The following SCAF8 variants were observed in gnomAD, a reference collection of about 807,000 sequenced individuals.
SCAF8 encodes the protein SR-related and CTD-associated factor 8.
A neutral mutation model predicts 140.5 loss-of-function variants in SCAF8; 23 were observed. That is an observed-to-expected ratio of 0.16 (90% confidence interval 0.12 to 0.23). The LOEUF (loss-of-function observed/expected upper bound fraction) is 0.23, where lower values mean the gene tolerates loss of function less well. Among genes scored for constraint, SCAF8 ranks in the 10% least tolerant of loss-of-function variants. The probability of loss-of-function intolerance (pLI) is 1.00; values close to 1 mark genes in which losing one functional copy is unlikely to be tolerated. For synonymous variants in SCAF8, 575 were observed against 528.9 expected (o/e 1.09, Z -1.20); for missense variants, 1,397 against 1,555.7 (o/e 0.90, Z 1.72).
Position 154,831,982 on chromosome 6 carries a change from A to G in SCAF8, c.2403A>G (p.Gly801=). 6.2e-7 allele frequency: 1 copy of G among 1,611,066 alleles called. No homozygotes were observed. The highest frequency in any genetic ancestry group is 8.5e-7 in the Non-Finnish European group (1 of 1,178,954). Residue 801 remains glycine (G), a synonymous_variant, in exon 20 of 20, where the codon GGA becomes GGG. Coordinates refer to ENST00000367178, the MANE Select transcript of SCAF8 (RefSeq NM_014892.5). ...CAAGTAATGCTGCAATTTTAGGAGG[A>G]CAGCCGCCAAATGTGACAAGCAATT... ...DISSNAAILG[G]QPPNVTSNSG... is the part of the protein sequence containing the mutation.
chr6:154,743,752 A>G (rs770855985), intron 1 of SCAF8, among the ~76,000 whole-genome samples: 4 of 152,216 alleles, frequency 2.6e-5, no homozygotes, highest in Non-Finnish European at 5.9e-5. Flanking sequence ...TTTTATGGTT[A>G]AGAAAAAATA....
intron 17 of SCAF8, among the ~76,000 whole-genome samples, chr6:154,826,120 G>A (rs1583070583): frequency 6.6e-6 from 1 of 152,242 alleles, no homozygotes; most frequent in East Asian, 1.9e-4. Context: ...GGTCATGTAA[G>A]TGTTCTAAAT....
Position 154,832,721 on chromosome 6 carries a change from G to A in SCAF8, c.3142G>A (p.Gly1048Ser). Residue 1048 changes from glycine to serine, a missense_variant, in exon 20 of 20, where the codon GGT becomes AGT. Physicochemically the swap from Gly to Ser is moderately conservative, Grantham distance 56. Transcript: ENST00000367178. ...TGGGCGGCCTATAGATCCAAGAGAA[G>A]GTCCTGGACGGCCTCCACTAGATGG... ...VVGRPIDPRE[G>S]PGRPPLDGRD... 1 of 1,613,952 alleles carries A rather than the reference G, an allele frequency of 6.2e-7. No individual in the cohort carries two copies. Among genetic ancestry groups the A allele is most frequent in the South Asian group, 1.1e-5 (1 of 91,066 alleles).
Position 154,808,601 on chromosome 6 carries a change from CA to C in SCAF8, c.1114-83del, listed in dbSNP as rs1471864229. On this transcript the variant is annotated intron_variant, in intron 10 of 19. Transcript: ENST00000367178. ...TATTAGGCATTAATGCTCCCATCGT[CA>C]ATATTTTTAAAAACAGAATTGTCAA... is the stretch of plus-strand genomic sequence containing the variant. 386 of 881,334 alleles carry C rather than the reference CA, an allele frequency of 4.4e-4. 1 individual carries two copies. Among genetic ancestry groups the C allele is most frequent in the Non-Finnish European group, 7.5e-5 (40 of 534,342 alleles). 54.6% of individuals were successfully genotyped at this position (881,334 alleles called of 1,614,324 possible). A position where few individuals can be genotyped will look rare whatever the true frequency, so the allele number is the denominator to read the frequency against.
Position 154,733,615 on chromosome 6 carries a change from G to A in SCAF8, c.-286G>A. 7.7e-7 allele frequency: 1 copy of A among 1,290,640 alleles called. No homozygotes were observed. The highest frequency in any genetic ancestry group is 9.8e-7 in the Non-Finnish European group (1 of 1,023,022). 79.9% of individuals were successfully genotyped at this position (1,290,640 alleles called of 1,614,324 possible). ...CGGGGCAGAGAAGAGAAGGCGCCGC[G>A]GCCCAGCCCCTCCCCCGCCCGCCGC... On this transcript the variant is annotated 5_prime_UTR_variant, in exon 1 of 20. Coordinates refer to ENST00000367178, the MANE Select transcript of SCAF8 (RefSeq NM_014892.5).
At chr6:154,761,923 A>G (rs1483736124) in intron 1 of SCAF8, among the ~76,000 whole-genome samples, 2 of 152,216 alleles carry the variant, frequency 1.3e-5, no homozygotes, top group Non-Finnish European at 2.9e-5. Context: ...CAGTTTATTA[A>G]TGAAACAAAT....
intron 6 of SCAF8, among the ~76,000 whole-genome samples, chr6:154,801,363 A>G (rs971749369): frequency 2.0e-5 from 3 of 151,564 alleles, no homozygotes; most frequent in South Asian, 2.1e-4. Flanking sequence ...ACTCAGGCTT[A>G]TAACCAGATT....
intron 3 of SCAF8, among the ~76,000 whole-genome samples, chr6:154,781,650 G>A (rs1358625121): frequency 6.6e-6 from 1 of 152,172 alleles, no homozygotes; most frequent in Non-Finnish European, 1.5e-5. Flanking sequence ...TTTCTGAGTA[G>A]TATTTCAGGG....
At chr6:154,744,679 C>A (rs766888253) in intron 1 of SCAF8, among the ~76,000 whole-genome samples, 8 of 152,162 alleles carry the variant, frequency 5.3e-5, no homozygotes, top group Non-Finnish European at 1.0e-4. Flanking sequence ...TTCAATTTTT[C>A]ATAGGTTTTT....
chr6:154,791,289 C>G (rs1170496154), intron 4 of SCAF8, among the ~76,000 whole-genome samples: 1 of 151,982 alleles, frequency 6.6e-6, no homozygotes, highest in East Asian at 1.9e-4. Context: ...CAGAATTACC[C>G]AAGAAATAGA....
At position 154,795,048 on chromosome 6, in the gene SCAF8, A is replaced by C; in HGVS notation, c.515A>C (p.Gln172Pro). ...CCTGTTACTCCGGCCAATGTGGTCCAAGGCTTACCTGATCCGTGGGTATCT... is the reference window on the plus strand; with the variant it reads ...CCTGTTACTCCGGCCAATGTGGTCCCAGGCTTACCTGATCCGTGGGTATCT... ...VTPVTPANVV[Q>P]GLPDPWVSQI... is the part of the protein sequence containing the mutation. The change falls in exon 6 of 20, where the codon CAA (glutamine) becomes CCA (proline). Residue 172 changes from glutamine (Q) to proline (P), a missense_variant. Gln to Pro is a moderately conservative substitution (Grantham distance 76). This residue lies in a region of SCAF8 where 339 missense variants were observed against 407.5 expected (regional missense o/e 0.83). Coordinates refer to ENST00000367178, the MANE Select transcript of SCAF8 (RefSeq NM_014892.5). 1 of 1,612,992 alleles carries C rather than the reference A, an allele frequency of 6.2e-7. No homozygotes were observed.
At chr6:154,785,293 T>TG (rs1373015698) in intron 3 of SCAF8, among the ~76,000 whole-genome samples, 2 of 152,228 alleles carry the variant, frequency 1.3e-5, no homozygotes, top group Non-Finnish European at 2.9e-5. Flanking sequence ...AGTATTGCTG[T>TG]GAACAGTGTA....
chr6:154,804,636 C>G (rs1193803514), intron 8 of SCAF8, among the ~76,000 whole-genome samples: 3 of 152,134 alleles, frequency 2.0e-5, no homozygotes, highest in Admixed American at 2.0e-4. Context: ...AGAGATGTAG[C>G]TTTTCATTAT....
intron 4 of SCAF8, among the ~76,000 whole-genome samples, chr6:154,790,059 C>T (rs1361540672): frequency 1.3e-5 from 2 of 151,394 alleles, no homozygotes; most frequent in East Asian, 3.9e-4. Context: ...AATATAATAT[C>T]TCATACTAGG....
intron 14 of SCAF8, among the ~76,000 whole-genome samples, chr6:154,819,086 T>C (rs1211483982): frequency 6.6e-6 from 1 of 152,058 alleles, no homozygotes; most frequent in African/African-American, 2.4e-5. Context: ...ACTGAGAGTT[T>C]TTTTAATATC....
chr6:154,764,577 A>G (rs1002016037), intron 1 of SCAF8, among the ~76,000 whole-genome samples: 2 of 152,210 alleles, frequency 1.3e-5, no homozygotes, highest in African/African-American at 4.8e-5. Flanking sequence ...ATTTGATGGA[A>G]CAAACTAACT....
At chr6:154,769,839 T>G (rs1450111740) in intron 1 of SCAF8, among the ~76,000 whole-genome samples, 2 of 152,206 alleles carry the variant, frequency 1.3e-5, no homozygotes, top group East Asian at 3.8e-4. Flanking sequence ...GAGGATACAA[T>G]GCAAATTAAA....
intron 1 of SCAF8, among the ~76,000 whole-genome samples, chr6:154,756,421 T>G (rs1344289780): frequency 6.6e-6 from 1 of 152,188 alleles, no homozygotes; most frequent in Non-Finnish European, 1.5e-5. Flanking sequence ...GTTAGATAAA[T>G]GGAGGTGAGG....
chr6:154,796,353 T>TTCCGTCTCTC (rs772760237), intron 6 of SCAF8, among the ~76,000 whole-genome samples: 4 of 75,198 alleles, frequency 5.3e-5, no homozygotes, highest in African/African-American at 3.2e-4. Flanking sequence ...TGCAATCCTG[T>TTCCGTCTCTC]TCTCTCTCTC....
Sources: allele counts gnomAD v4.1 joint callset (sites outside exome capture counted in the v4.1 genomes callset), GRCh38; gene constraint gnomAD v4.1.1; regional missense constraint gnomAD v4.1.1; transcripts MANE v1.5; gene names NCBI Gene and HGNC (gene_info 2026-07-23, HGNC 2026-07-21).